PPARGC1B: variants seen among roughly 807,000 people sequenced by gnomAD.
PPARGC1B encodes peroxisome proliferator-activated receptor gamma coactivator 1-beta.
In PPARGC1B, 34 loss-of-function variants were observed where a neutral mutation model predicts 101.6. The observed-to-expected ratio is 0.33, with a 90% CI of 0.25 to 0.45. The LOEUF (loss-of-function observed/expected upper bound fraction) is 0.45. PPARGC1B is among the 20% of genes least tolerant of loss of function. The pLI, the probability that PPARGC1B is intolerant of heterozygous loss-of-function variation, is 1.00. For synonymous variants in PPARGC1B, 548 were observed against 539.3 expected (o/e 1.02, Z -0.22); for missense variants, 1,234 against 1,317.6 (o/e 0.94, Z 0.98).
intron 1 of PPARGC1B, among the ~76,000 whole-genome samples, chr5:149,738,607 AT>A (rs537635139): frequency 1.5e-3 from 219 of 145,146 alleles, no homozygotes; most frequent in Admixed American, 1.5e-3. Context: ...TCTGGAAAGC[AT>A]TTTTTTTTTT....
intron 1 of PPARGC1B, among the ~76,000 whole-genome samples, chr5:149,755,899 C>T (rs1755503511): frequency 6.6e-6 from 1 of 152,056 alleles, no homozygotes; most frequent in African/African-American, 2.4e-5. Flanking sequence ...CCGCCTTGGC[C>T]CCCCAAAGTG....
chr5:149,828,433 A>G (rs1758613933), intron 3 of PPARGC1B, among the ~76,000 whole-genome samples: 1 of 152,274 alleles, frequency 6.6e-6, no homozygotes, highest in Non-Finnish European at 1.5e-5. Context: ...TAGGAGGATT[A>G]CAGCAGATAA....
chr5:149,819,736 C>T (rs1032459709), intron 1 of PPARGC1B, among the ~76,000 whole-genome samples: 1 of 152,224 alleles, frequency 6.6e-6, no homozygotes, highest in Non-Finnish European at 1.5e-5. Flanking sequence ...CCCCTGACCT[C>T]GAATGATCCG....
chr5:149,833,203 C>A lies in PPARGC1B; in HGVS notation c.1130C>A (p.Pro377His), dbSNP rs756253235. The A allele has an allele frequency of 1.9e-6, 3 of 1,613,232 alleles. No individual in the cohort carries two copies. The highest frequency in any genetic ancestry group is 1.7e-5 in the Admixed American group (1 of 60,008). Residue 377 changes from proline to histidine, a missense_variant, in exon 5 of 12, where the codon CCC becomes CAC. This residue lies in a region of PPARGC1B where 734 missense variants were observed against 768.4 expected (regional missense o/e 0.96). Coordinates refer to ENST00000309241, the MANE Select transcript of PPARGC1B (RefSeq NM_133263.4). This position sits in a 1 kb window ranked among gnomAD's most constrained non-coding sequence, Gnocchi z 4.1. ...CTCACACCTCGGTCAAGGCCCAGGC[C>A]CCCCAAAGACAGTCAGGCCTCCCCT... ...ASLTPRSRPR[P>H]PKDSQASPGR...
At chr5:149,788,228 A>G (rs1023034803) in intron 1 of PPARGC1B, among the ~76,000 whole-genome samples, 3 of 152,256 alleles carry the variant, frequency 2.0e-5, no homozygotes, top group South Asian at 4.1e-4. Context: ...TAAATTTACA[A>G]TAAAAAATCA....
Position 149,833,489 on chromosome 5 carries a change from T to A in PPARGC1B, c.1416T>A (p.Ser472=). Residue 472 remains serine, a synonymous_variant, in exon 5 of 12, where the codon TCT becomes TCA. Coordinates refer to ENST00000309241, the MANE Select transcript of PPARGC1B (RefSeq NM_133263.4). This position sits in a 1 kb window ranked among gnomAD's most constrained non-coding sequence, Gnocchi z 4.1. ...AGCTGGGGAGGAAGCTGGAGAGCTC[T>A]GTGTGCCCCGTGCGGCGTTCTCGGA... ...WTKLGRKLES[S]VCPVRRSRRL... 1 of 1,565,902 alleles carries A rather than the reference T, an allele frequency of 6.4e-7. No individual in the cohort carries two copies. The highest frequency in any genetic ancestry group is 8.7e-7 in the Non-Finnish European group (1 of 1,154,984).
intron 1 of PPARGC1B, among the ~76,000 whole-genome samples, chr5:149,778,061 T>TCACA (rs1491385104): frequency 0.017 from 84 of 4,820 alleles, 8 homozygotes; most frequent in Middle Eastern, 0.083. Context: ...TGTAGCAGCA[T>TCACA]CTCACACACA....
At chr5:149,818,304 C>T (rs1758136670) in intron 1 of PPARGC1B, among the ~76,000 whole-genome samples, 1 of 152,074 alleles carries the variant, frequency 6.6e-6, no homozygotes, top group African/African-American at 2.4e-5. Context: ...CCCCACCCAC[C>T]ATCACAGTGC....
chr5:149,769,582 C>T (rs566146390), intron 1 of PPARGC1B, among the ~76,000 whole-genome samples: 2 of 152,260 alleles, frequency 1.3e-5, no homozygotes, highest in East Asian at 1.9e-4. Context: ...CTCACTTATA[C>T]GTTGAATGGG....
chr5:149,799,583 A>G (rs1038285273), intron 1 of PPARGC1B, among the ~76,000 whole-genome samples: 2 of 152,070 alleles, frequency 1.3e-5, no homozygotes, highest in African/African-American at 4.8e-5. Flanking sequence ...TCAGTGACCT[A>G]AATGCCCAGA....
chr5:149,847,113 C>T (rs1759594672), intron 11 of PPARGC1B: 1 of 395,192 alleles, frequency 2.5e-6, no homozygotes, highest in Non-Finnish European at 4.8e-6. Flanking sequence ...GTGTTGTTAG[C>T]CCTCCCTTAT....
chr5:149,835,467 C>A lies in PPARGC1B; in HGVS notation c.1807+102C>A, dbSNP rs892141334. ...GCAAGGTGCCACGCAATGAACGATG[C>A]GCAAGATGCCTGCCTTCACGGGGCT... On this transcript the variant is annotated intron_variant, in intron 7 of 11. Transcript: ENST00000309241. The A allele has an allele frequency of 7.0e-6, 7 of 995,428 alleles. No homozygotes were observed. The South Asian group carries it at 9.7e-5, about 14-fold the overall frequency. 61.7% of individuals were successfully genotyped at this position (995,428 alleles called of 1,614,324 possible). A position where few individuals can be genotyped will look rare whatever the true frequency, so the allele number is the denominator to read the frequency against.
intron 4 of PPARGC1B, among the ~76,000 whole-genome samples, 166 bp downstream of exon 4, chr5:149,831,049 G>C (rs1758763972): frequency 1.3e-5 from 2 of 152,328 alleles, no homozygotes; most frequent in Admixed American, 6.5e-5. Flanking sequence ...ATCCAGCCTA[G>C]TTTAGGGTTT....
chr5:149,751,356 A>G (rs545806602), intron 1 of PPARGC1B, among the ~76,000 whole-genome samples: 1 of 152,296 alleles, frequency 6.6e-6, no homozygotes, highest in Admixed American at 6.5e-5. Context: ...TGCAAAAATG[A>G]TATGCATTAA....
At chr5:149,733,069 C>G (rs1396388225) in intron 1 of PPARGC1B, among the ~76,000 whole-genome samples, 1 of 152,208 alleles carries the variant, frequency 6.6e-6, no homozygotes, top group East Asian at 1.9e-4. Context: ...GTTCCTGCAA[C>G]CCCCTCTCCT....
At chr5:149,780,337 T>A (rs1319728525) in intron 1 of PPARGC1B, among the ~76,000 whole-genome samples, 1 of 152,184 alleles carries the variant, frequency 6.6e-6, no homozygotes, top group East Asian at 1.9e-4. Context: ...TGACCTTGAA[T>A]TGGGTGCAGG....
chr5:149,808,733 C>A (rs1030012940), intron 1 of PPARGC1B, among the ~76,000 whole-genome samples: 19 of 152,172 alleles, frequency 1.2e-4, no homozygotes, highest in African/African-American at 4.6e-4. Context: ...ACAAGACACT[C>A]ATTTTGTTTC....
At chr5:149,782,791 C>G (rs992343438) in intron 1 of PPARGC1B, among the ~76,000 whole-genome samples, 1 of 152,214 alleles carries the variant, frequency 6.6e-6, no homozygotes, top group Non-Finnish European at 1.5e-5. Context: ...GGCCGCTGCT[C>G]TAGGGTCCTG....
chr5:149,857,455 G>T (rs931136447), downstream of PPARGC1B, among the ~76,000 whole-genome samples: 8 of 152,312 alleles, frequency 5.3e-5, no homozygotes, highest in East Asian at 1.5e-3. Flanking sequence ...ATGCCCGTGT[G>T]TTCCTGAGTG....
Sources: gnomAD v4.1 joint callset for allele counts (sites outside exome capture counted in the v4.1 genomes callset) on GRCh38, gnomAD v4.1.1 for gene constraint, gnomAD v4.1.1 regional missense constraint, Gnocchi (gnomAD v3.1) non-coding constraint, MANE v1.5 for transcripts, NCBI Gene and HGNC (gene_info 2026-07-23, HGNC 2026-07-21) for gene names.